The following UBE2W variants were observed in gnomAD, a reference collection of about 807,000 sequenced individuals.
UBE2W encodes ubiquitin-conjugating enzyme E2 W.
In UBE2W, 18 loss-of-function variants were observed where a neutral mutation model predicts 27.2. That is an observed-to-expected ratio of 0.66 (90% CI 0.46 to 0.98). The LOEUF is 0.98. Among genes scored for constraint, UBE2W ranks in the 50% least tolerant of loss-of-function variants. The probability of loss-of-function intolerance (pLI) is 0.00; values close to 1 mark genes in which losing one functional copy is unlikely to be tolerated. For synonymous variants in UBE2W, 53 were observed against 57.2 expected (o/e 0.93, Z 0.33); for missense variants, 90 against 180.2 (o/e 0.50, Z 2.87).
intron 2 of UBE2W, among the ~76,000 whole-genome samples, chr8:73,827,990 A>G (rs150931326): frequency 1.7e-4 from 26 of 152,330 alleles, no homozygotes; most frequent in Non-Finnish European, 1.5e-5. Flanking sequence ...TTCCTATACC[A>G]TCGAAGCCTA....
chr8:73,842,853 A>G (rs886811243), intron 1 of UBE2W, among the ~76,000 whole-genome samples: 1 of 152,190 alleles, frequency 6.6e-6, no homozygotes, highest in African/African-American at 2.4e-5. Flanking sequence ...TCAATGGATG[A>G]TGAAAACACA....
At chr8:73,846,761 G>A (rs1385734047) in intron 1 of UBE2W, among the ~76,000 whole-genome samples, 1 of 152,180 alleles carries the variant, frequency 6.6e-6, no homozygotes, top group African/African-American at 2.4e-5. Flanking sequence ...GCAGGTGATG[G>A]GGAGTTAAAG....
At chr8:73,785,851 C>T (rs1436137333), downstream of UBE2W, among the ~76,000 whole-genome samples, 7 of 152,228 alleles carry the variant, frequency 4.6e-5, no homozygotes, top group African/African-American at 1.7e-4. Context: ...GGATTACAGG[C>T]GTAAGCCACT....
At chr8:73,848,811 A>G (rs1297891313) in intron 1 of UBE2W, among the ~76,000 whole-genome samples, 1 of 152,186 alleles carries the variant, frequency 6.6e-6, no homozygotes, top group Non-Finnish European at 1.5e-5. Flanking sequence ...TTTTTCATGT[A>G]TGGTGATTAC....
chr8:73,863,387 A>G (rs1159935979), intron 1 of UBE2W, among the ~76,000 whole-genome samples: 1 of 143,674 alleles, frequency 7.0e-6, no homozygotes, highest in Non-Finnish European at 1.5e-5. Context: ...ATGAGATCAC[A>G]TGGACACAGG....
In UBE2W at chr8:73,790,259, A is replaced by G. The variant is rs1168438194; in HGVS notation, c.*3843T>C. On this transcript the variant is annotated 3_prime_UTR_variant, in exon 6 of 6. Coordinates refer to ENST00000602593, the MANE Select transcript of UBE2W (RefSeq NM_018299.6). ...ACTGACACATTGGACATCAGTGGGAAGAGGCAGAAAAATAGGAAGAAAAAT... is the reference window on the plus strand; with the variant it reads ...ACTGACACATTGGACATCAGTGGGAGGAGGCAGAAAAATAGGAAGAAAAAT... 16 of 985,412 alleles carry G rather than the reference A, an allele frequency of 1.6e-5. No homozygotes were observed. Among genetic ancestry groups the G allele is most frequent in the Non-Finnish European group, 1.9e-5 (16 of 829,924 alleles). The allele number at this position is 985,412 out of a possible 1,614,324, so 61.0% of individuals were successfully genotyped here.
At chr8:73,850,738 A>C (rs1303024363) in intron 1 of UBE2W, among the ~76,000 whole-genome samples, 4 of 150,728 alleles carry the variant, frequency 2.7e-5, no homozygotes, top group Non-Finnish European at 4.4e-5. Context: ...AAAAAAAAAA[A>C]AAAAAAAAAA....
intron 5 of UBE2W, among the ~76,000 whole-genome samples, chr8:73,804,880 G>A (rs935190455): frequency 8.6e-5 from 13 of 151,696 alleles, no homozygotes; most frequent in Non-Finnish European, 1.6e-4. Flanking sequence ...AAGCCACCAC[G>A]CCCATCTAAT....
At chr8:73,796,085 G>GA (rs1563570142) in intron 5 of UBE2W, among the ~76,000 whole-genome samples, 1 of 71,450 alleles carries the variant, frequency 1.4e-5, no homozygotes, top group African/African-American at 7.3e-5. Flanking sequence ...AAAAAAAAAA[G>GA]GGGGATGTTC....
At chr8:73,780,359 T>G in exon 5 of UBE2W, 1 of 361,798 alleles carries the variant, frequency 2.8e-6, no homozygotes, top group South Asian at 2.2e-5. Flanking sequence ...TAAGGCCACA[T>G]TCTACTTCGG....
At chr8:73,876,740 A>G (rs7817393) in intron 1 of UBE2W, among the ~76,000 whole-genome samples, 48,112 of 152,096 alleles carry the variant, frequency 0.32, 9,999 homozygotes, top group African/African-American at 0.61. Context: ...AGGCCAAGGC[A>G]GGCGGATCAC....
At position 73,845,130 on chromosome 8, in the gene UBE2W, A is replaced by C. The variant is rs1004179658; in HGVS notation, c.16-14658T>G. ...CCGCCTGGCCGCCGCCCCGTCTGGG[A>C]GGTGGTGGGCGCCTCTGCCCGGCCG... On this transcript the variant is annotated intron_variant, in intron 1 of 5. Coordinates refer to ENST00000602593, the MANE Select transcript of UBE2W (RefSeq NM_018299.6). 6.1e-5 allele frequency among the ~76,000 whole-genome samples: 4 copies of C among 65,474 alleles called. No individual in the cohort carries two copies. In the Admixed American group the frequency reaches 7.9e-4, roughly 13 times the overall value. The allele number at this position is 65,474 out of a possible 152,430, so 43.0% of individuals were successfully genotyped here. A position where few individuals can be genotyped will look rare whatever the true frequency, so the allele number is the denominator to read the frequency against.
At chr8:73,857,043 A>G (rs1227488398) in intron 1 of UBE2W, among the ~76,000 whole-genome samples, 1 of 152,220 alleles carries the variant, frequency 6.6e-6, no homozygotes, top group Non-Finnish European at 1.5e-5. Flanking sequence ...TTATGGTTCC[A>G]GGGTAGTTAC....
intron 1 of UBE2W, among the ~76,000 whole-genome samples, chr8:73,836,331 A>C (rs1810307794): frequency 1.3e-5 from 2 of 152,252 alleles, no homozygotes; most frequent in South Asian, 4.1e-4. Context: ...GTGAGAGAGA[A>C]GGGCCAGCAT....
chr8:73,804,962 A>G (rs1267879518), intron 5 of UBE2W, among the ~76,000 whole-genome samples: 1 of 151,756 alleles, frequency 6.6e-6, no homozygotes, highest in Non-Finnish European at 1.5e-5. Context: ...ACCTCAAGTG[A>G]TCTGCCCACC....
At chr8:73,782,950 G>T (rs1807869683), downstream of UBE2W, among the ~76,000 whole-genome samples, 1 of 152,142 alleles carries the variant, frequency 6.6e-6, no homozygotes. Context: ...TCAATGCAGT[G>T]GGTGTGTAGT....
At position 73,787,960 on chromosome 8, in the gene UBE2W, T is replaced by A; in HGVS notation, c.*6142A>T. 1.0e-6 allele frequency: 1 copy of A among 985,162 alleles called. No homozygotes were observed. Among genetic ancestry groups the A allele is most frequent in the Non-Finnish European group, 1.2e-6 (1 of 829,676 alleles). The allele number at this position is 985,162 out of a possible 1,614,324, so 61.0% of individuals were successfully genotyped here. On this transcript the variant is annotated 3_prime_UTR_variant, in exon 6 of 6. Coordinates refer to ENST00000602593, the MANE Select transcript of UBE2W (RefSeq NM_018299.6). ...GTGTTAAATAGATGGTTTAAGTGAC[T>A]ATCTTCATTCTGTTGCACTCATTTT...
At chr8:73,839,035 T>C (rs1810421360) in intron 1 of UBE2W, among the ~76,000 whole-genome samples, 1 of 152,206 alleles carries the variant, frequency 6.6e-6, no homozygotes, top group Non-Finnish European at 1.5e-5. Context: ...CTGTGGAGTG[T>C]ACTTTCATTT....
At chr8:73,870,074 C>T (rs758281862) in intron 1 of UBE2W, among the ~76,000 whole-genome samples, 1 of 152,072 alleles carries the variant, frequency 6.6e-6, no homozygotes, top group Admixed American at 6.6e-5. Context: ...CTGCAAACAG[C>T]AGTGATGGTT....
Sources: gnomAD v4.1 joint callset for allele counts (sites outside exome capture counted in the v4.1 genomes callset) on GRCh38, gnomAD v4.1.1 for gene constraint, MANE v1.5 for transcripts, NCBI Gene and HGNC (gene_info 2026-07-23, HGNC 2026-07-21) for gene names.